Variants in SPEG observed in about 807,000 individuals in gnomAD.
SPEG encodes striated muscle enriched protein kinase.
A neutral mutation model predicts 300.4 loss-of-function variants in SPEG; 114 were observed. The observed-to-expected ratio is 0.38, with a 90% CI of 0.33 to 0.44. The LOEUF (loss-of-function observed/expected upper bound fraction) is 0.44, where lower values mean the gene tolerates loss of function less well. Among genes scored for constraint, SPEG ranks in the 20% least tolerant of loss-of-function variants. The probability of loss-of-function intolerance (pLI) is 1.00; values close to 1 mark genes in which losing one functional copy is unlikely to be tolerated. For synonymous variants in SPEG, 1,964 were observed against 2,018.9 expected (o/e 0.97, Z 0.73); for missense variants, 4,201 against 4,586.2 (o/e 0.92, Z 2.43).
chr2:219,453,336 C>G (rs188616750), intron 6 of SPEG, among the ~76,000 whole-genome samples: 1 of 152,352 alleles, frequency 6.6e-6, no homozygotes, highest in East Asian at 1.9e-4. Flanking sequence ...CATTTGTAAA[C>G]CGGAGATAAT....
chr2:219,441,687 C>G (rs1438290357), intron 1 of SPEG: 2 of 422,508 alleles, frequency 4.7e-6, no homozygotes, highest in Non-Finnish European at 9.7e-6. Flanking sequence ...TCCTCATGTG[C>G]CTAGGGCTCC....
rs533913113 is a variant in SPEG at position 219,443,445 on chromosome 2, G to A, written c.389-1208G>A. 8.5e-6 allele frequency: 4 copies of A among 469,968 alleles called. No homozygotes were observed. The highest frequency in any genetic ancestry group is 3.6e-5 in the Admixed American group (1 of 27,504). 29.1% of individuals were successfully genotyped at this position (469,968 alleles called of 1,614,324 possible). ...ATTGCCATGCTTTGGCAACCAGTAC[G>A]TGGCTCCTGCTTGTCATGGCAGCCA... is the stretch of plus-strand genomic sequence containing the variant. On this transcript the variant is annotated intron_variant, in intron 1 of 40. Transcript: ENST00000312358. The surrounding 1 kb of genome is among the most constrained non-coding windows in gnomAD (Gnocchi z 4.6).
At chr2:219,449,530 T>G (rs555523927) in intron 4 of SPEG, among the ~76,000 whole-genome samples, 131 of 152,220 alleles carry the variant, frequency 8.6e-4, no homozygotes, top group African/African-American at 3.0e-3. Context: ...GGCTGAGATG[T>G]GAGCTAAGAC....
In SPEG at chr2:219,483,446, C is replaced by T; in HGVS notation, c.5983C>T (p.Pro1995Ser). ...TCCCAGCCCAGAGGCCCTCCCCTCC[C>T]CAGGCCAGGAGCCCGCAGCTGGGGC... ...EAPSPEALPS[P>S]GQEPAAGASP... The change falls in exon 30 of 41, where the codon CCA (proline) becomes TCA (serine). Residue 1995 changes from proline to serine, a missense_variant. Transcript: ENST00000312358. 6.5e-7 allele frequency: 1 copy of T among 1,535,462 alleles called. No homozygotes were observed. The highest frequency in any genetic ancestry group is 8.7e-7 in the Non-Finnish European group (1 of 1,149,406).
rs192560937 is a variant in SPEG at position 219,448,496 on chromosome 2, G to A, written c.1338G>A (p.Pro446=). ...AGCCCAAGTCGGAGCGCGGCGCACCGTGGGGCACCCCCGGGGCCTCGCAGG... is the reference window on the plus strand; with the variant it reads ...AGCCCAAGTCGGAGCGCGGCGCACCATGGGGCACCCCCGGGGCCTCGCAGG... ...LEQPKSERGA[P]WGTPGASQEE... The change falls in exon 4 of 41, where the codon CCG becomes CCA. Residue 446 remains proline (P), a synonymous_variant. Transcript: ENST00000312358. The A allele has an allele frequency of 2.7e-6, 4 of 1,458,742 alleles. No homozygotes were observed. Among genetic ancestry groups the A allele is most frequent in the Admixed American group, 2.6e-5 (1 of 38,546 alleles). 90.4% of individuals were successfully genotyped at this position (1,458,742 alleles called of 1,614,324 possible). A position where few individuals can be genotyped will look rare whatever the true frequency, so the allele number is the denominator to read the frequency against.
Position 219,461,676 on chromosome 2 carries a change from T to G in SPEG, c.2441-206T>G, listed in dbSNP as rs868748999. 8.7e-6 allele frequency: 7 copies of G among 808,932 alleles called. 1 individual carries two copies. Among genetic ancestry groups the G allele is most frequent in the Middle Eastern group, 7.3e-4 (2 of 2,728 alleles). 50.1% of individuals were successfully genotyped at this position (808,932 alleles called of 1,614,324 possible). On this transcript the variant is annotated intron_variant, in intron 6 of 40. Transcript: ENST00000312358. ...CCTGGGAGGATCAGCAGGGTCGGTGTTGGCAGAGCCAGTGGCAGAGGAGGT... is the reference window on the plus strand; with the variant it reads ...CCTGGGAGGATCAGCAGGGTCGGTGGTGGCAGAGCCAGTGGCAGAGGAGGT...
chr2:219,472,825 C>T lies in SPEG; in HGVS notation c.3941-65C>T. On this transcript the variant is annotated intron_variant, in intron 15 of 40. Coordinates refer to ENST00000312358, the MANE Select transcript of SPEG (RefSeq NM_005876.5). ...TAATGATGAGTTCCAGGGTCCCGGG[C>T]CAGCTGGATGGGGAGGGGTTACTGC... 2.8e-6 allele frequency: 4 copies of T among 1,403,554 alleles called. No homozygotes were observed. The South Asian group carries it at 4.1e-5, about 14-fold the overall frequency. 86.9% of individuals were successfully genotyped at this position (1,403,554 alleles called of 1,614,324 possible).
At chr2:219,442,046 C>T in intron 1 of SPEG, 2 of 1,178,918 alleles carry the variant, frequency 1.7e-6, no homozygotes. Context: ...GCCCCCTCCC[C>T]CGCCATGAAG....
In SPEG at chr2:219,471,898, C is replaced by T. The variant is rs1691908390; in HGVS notation, c.3746C>T (p.Ala1249Val). The change falls in exon 14 of 41, where the codon GCC becomes GTC. Residue 1249 changes from alanine (A) to valine (V), a missense_variant. Transcript: ENST00000312358. ...YRDVHRLVFPAVGPQHAGVYK... is the reference protein window; with the variant it reads ...YRDVHRLVFPVVGPQHAGVYK... ...GATGTCCATCGCTTGGTGTTCCCTG[C>T]CGTGGGGCCTCAGCACGCCGGTGTC... 1.9e-6 allele frequency: 3 copies of T among 1,614,070 alleles called. No individual in the cohort carries two copies. The highest frequency in any genetic ancestry group is 1.1e-5 in the South Asian group (1 of 91,088).
intron 1 of SPEG, among the ~76,000 whole-genome samples, chr2:219,436,398 G>C (rs1253422333): frequency 1.3e-5 from 2 of 152,262 alleles, no homozygotes; most frequent in Non-Finnish European, 2.9e-5. Flanking sequence ...CCTTGGGCAG[G>C]CTGCGCCTTG....
Position 219,480,114 on chromosome 2 carries a change from C to T in SPEG, c.5316C>T (p.Ser1772=). The change falls in exon 25 of 41, where the codon AGC becomes AGT. Residue 1772 remains serine, a synonymous_variant. Transcript: ENST00000312358. The surrounding 1 kb of genome is among the most constrained non-coding windows in gnomAD (Gnocchi z 5.3). The stretch of plus-strand genomic sequence containing the variant: ...TAGCACCCGAGATTGTCAATCAGAG[C>T]CCCGTGTCTGGAGTCACTGACATCT... ...EFVAPEIVNQ[S]PVSGVTDIWP... The T allele has an allele frequency of 5.0e-6, 8 of 1,613,920 alleles. No individual in the cohort carries two copies. The highest frequency in any genetic ancestry group is 6.8e-6 in the Non-Finnish European group (8 of 1,180,012).
At chr2:219,456,120 A>C (rs777945952) in intron 6 of SPEG, among the ~76,000 whole-genome samples, 2 of 152,250 alleles carry the variant, frequency 1.3e-5, no homozygotes, top group Non-Finnish European at 2.9e-5. Context: ...CAAGTTGGAC[A>C]CTTGGGACAG....
chr2:219,435,417 GA>G, intron 1 of SPEG, 52 bp downstream of exon 1: 2 of 1,490,440 alleles, frequency 1.3e-6, no homozygotes, highest in Admixed American at 4.4e-5. Flanking sequence ...CTCAGAGGTA[GA>G]AAAGGGCTGC....
intron 36 of SPEG, 69 bp downstream of exon 36, chr2:219,490,008 G>A: frequency 6.7e-7 from 1 of 1,501,200 alleles, no homozygotes; most frequent in Non-Finnish European, 8.9e-7. Context: ...CATGGCTTCG[G>A]AGAGAAGACC....
intron 13 of SPEG, among the ~76,000 whole-genome samples, chr2:219,469,639 C>T (rs773118825): frequency 1.7e-4 from 26 of 152,322 alleles, no homozygotes; most frequent in Admixed American, 3.3e-4. Context: ...TAACCCGCAT[C>T]GGGCCCATGA....
chr2:219,472,837 G>A (rs966097681), intron 15 of SPEG, 53 bp from the exon 16 acceptor site: 8 of 1,472,802 alleles, frequency 5.4e-6, no homozygotes, highest in Non-Finnish European at 7.4e-6. Context: ...AGCTGGATGG[G>A]GAGGGGTTAC....
Position 219,448,487 on chromosome 2 carries a change from C to G in SPEG, c.1329C>G (p.Arg443=). The G allele has an allele frequency of 3.4e-6, 5 of 1,464,552 alleles. No individual in the cohort carries two copies. Among genetic ancestry groups the G allele is most frequent in the Non-Finnish European group, 4.5e-6 (5 of 1,117,360 alleles). 90.7% of individuals were successfully genotyped at this position (1,464,552 alleles called of 1,614,324 possible). A position where few individuals can be genotyped will look rare whatever the true frequency, so the allele number is the denominator to read the frequency against. ...CTCTGGAGCAGCCCAAGTCGGAGCGCGGCGCACCGTGGGGCACCCCCGGGG... is the reference window on the plus strand; with the variant it reads ...CTCTGGAGCAGCCCAAGTCGGAGCGGGGCGCACCGTGGGGCACCCCCGGGG... The part of the protein sequence containing the change: ...ARSLEQPKSE[R]GAPWGTPGAS... Residue 443 remains arginine (R), a synonymous_variant, in exon 4 of 41, where the codon CGC becomes CGG. Transcript: ENST00000312358.
chr2:219,488,659 G>A lies in SPEG; in HGVS notation c.8020G>A (p.Val2674Met). Residue 2674 changes from valine (V) to methionine (M), a missense_variant, in exon 33 of 41, where the codon GTG becomes ATG. By Grantham distance (21) the Val-to-Met change is conservative. This residue lies in a region of SPEG where 1,578 missense variants were observed against 1,506.0 expected (regional missense o/e 1.05). Transcript: ENST00000312358. ...CATCACCAGCTCCTGTACCGTGGCT[G>A]TGGCCCGTGAGCCTGGGGCAGGGCC... ...GSITSSCTVA[V>M]ARVPGKLAPP... 6.2e-7 allele frequency: 1 copy of A among 1,601,854 alleles called. No individual in the cohort carries two copies. The highest frequency in any genetic ancestry group is 8.5e-7 in the Non-Finnish European group (1 of 1,173,018).
At position 219,483,638 on chromosome 2, in the gene SPEG, G is replaced by A; in HGVS notation, c.6175G>A (p.Gly2059Ser). 2 of 1,524,674 alleles carry A rather than the reference G, an allele frequency of 1.3e-6. No homozygotes were observed. Among genetic ancestry groups the A allele is most frequent in the Non-Finnish European group, 8.7e-7 (1 of 1,143,324 alleles). The allele number at this position is 1,524,674 out of a possible 1,614,324, so 94.4% of individuals were successfully genotyped here. Residue 2059 changes from glycine (G) to serine (S), a missense_variant, in exon 30 of 41, where the codon GGT becomes AGT. This residue lies in a region of SPEG where 1,578 missense variants were observed against 1,506.0 expected (regional missense o/e 1.05). Transcript: ENST00000312358. ...CACCCGCCTGGCCCGGGGAGGCCTG[G>A]GTGAGGGCGAGTATGCCCAGAGGCT... ...GATRLARGGLGEGEYAQRLQA... is the reference protein window; with the variant it reads ...GATRLARGGLSEGEYAQRLQA...
Sources: gnomAD v4.1 joint callset for allele counts (sites outside exome capture counted in the v4.1 genomes callset) on GRCh38, gnomAD v4.1.1 for gene constraint, gnomAD v4.1.1 regional missense constraint, Gnocchi (gnomAD v3.1) non-coding constraint, MANE v1.5 for transcripts, NCBI Gene and HGNC (gene_info 2026-07-23, HGNC 2026-07-21) for gene names.